The following IQGAP1 variants were observed in gnomAD, a reference collection of about 807,000 sequenced individuals.
IQGAP1 encodes the protein IQ motif containing GTPase activating protein 1, also known as ras GTPase-activating-like protein IQGAP1.
A neutral mutation model predicts 215.6 loss-of-function variants in IQGAP1; 66 were observed. That is an observed-to-expected ratio of 0.31 (90% confidence interval 0.25 to 0.38). IQGAP1 has a LOEUF of 0.38. Ranked by LOEUF, IQGAP1 falls within the 10% of genes least tolerant of loss-of-function variation. IQGAP1 has a pLI of 1.00. For synonymous variants in IQGAP1, 772 were observed against 728.7 expected (o/e 1.06, Z -0.96); for missense variants, 1,712 against 1,997.1 (o/e 0.86, Z 2.72).
chr15:90,422,675 T>A (rs1211494206), intron 2 of IQGAP1, among the ~76,000 whole-genome samples: 2 of 128,702 alleles, frequency 1.6e-5, no homozygotes, highest in African/African-American at 3.2e-5. Flanking sequence ...TATATATATA[T>A]ATATAATTTT....
rs1353154752 is a variant in IQGAP1, at chr15:90,452,772, C to T, written c.1163-3C>T. The T allele has an allele frequency of 1.2e-6, 2 of 1,613,064 alleles. No individual in the cohort carries two copies. Among genetic ancestry groups the T allele is most frequent in the African/African-American group, 2.7e-5 (2 of 74,904 alleles). On this transcript the variant is annotated splice_polypyrimidine_tract_variant and splice_region_variant and intron_variant, in intron 11 of 37. Transcript: ENST00000268182. The stretch of plus-strand genomic sequence containing the variant: ...GCGTTTCTGACTCCTGTTTTTTACA[C>T]AGGATTGGCAGCAGTAGCACTGATT...
intron 4 of IQGAP1, among the ~76,000 whole-genome samples, chr15:90,433,387 G>A (rs979180748): frequency 2.6e-5 from 4 of 152,080 alleles, no homozygotes; most frequent in Admixed American, 6.6e-5. Context: ...GATTTAAACT[G>A]GACTAGAACT....
intron 31 of IQGAP1, 161 bp downstream of exon 31, chr15:90,486,293 CA>C (rs1433963260): frequency 3.7e-6 from 2 of 545,926 alleles, no homozygotes; most frequent in Admixed American, 6.4e-5. Flanking sequence ...AAAACAACAA[CA>C]ACAACAAAAG....
Position 90,474,097 on chromosome 15 carries a change from C to A in IQGAP1, c.2539C>A (p.Arg847=). ...CATTATCAAAATCCAGGCTTTTATTCGGGCAAACAAAGCTCGGGATGACTA... is the reference window on the plus strand; with the variant it reads ...CATTATCAAAATCCAGGCTTTTATTAGGGCAAACAAAGCTCGGGATGACTA... ...NDIIKIQAFI[R]ANKARDDYKT... The change falls in exon 22 of 38, where the codon CGG becomes AGG. Residue 847 remains arginine, a synonymous_variant. Transcript: ENST00000268182. 6.2e-7 allele frequency: 1 copy of A among 1,613,138 alleles called. No homozygotes were observed. Among genetic ancestry groups the A allele is most frequent in the Non-Finnish European group, 8.5e-7 (1 of 1,179,560 alleles).
chr15:90,417,797 C>G (rs1481911021), intron 2 of IQGAP1, among the ~76,000 whole-genome samples: 1 of 152,130 alleles, frequency 6.6e-6, no homozygotes, highest in Non-Finnish European at 1.5e-5. Flanking sequence ...TATAAATTAC[C>G]TTGCTCAGTA....
Position 90,494,776 on chromosome 15 carries a change from A to G in IQGAP1, c.4692A>G (p.Thr1564=). ...KKSKKISLKY[T]AARLHEKGVL... is the part of the protein sequence containing the mutation. ...GCAAAAAGATTTCTCTGAAATATAC[A>G]GCAGCAAGACTACATGAAAAAGGAG... The change falls in exon 36 of 38, where the codon ACA becomes ACG. Residue 1564 remains threonine, a synonymous_variant. Transcript: ENST00000268182. 1 of 1,608,618 alleles carries G rather than the reference A, an allele frequency of 6.2e-7. No homozygotes were observed. The highest frequency in any genetic ancestry group is 1.3e-5 in the African/African-American group (1 of 74,912).
intron 32 of IQGAP1, 81 bp downstream of exon 32, chr15:90,487,170 A>C: frequency 7.5e-7 from 1 of 1,335,396 alleles, no homozygotes; most frequent in Non-Finnish European, 1.1e-6. Flanking sequence ...GCTGGGTCCT[A>C]CCTGAAATGA....
Position 90,406,083 on chromosome 15 carries a change from G to T in IQGAP1, c.155+15210G>T, listed in dbSNP as rs536913928. ...GTTTTTAAAAATGAGGGGTGCAAATGTACTAATTATTAAAAAGGAAAAGAT... is the reference window on the plus strand; with the variant it reads ...GTTTTTAAAAATGAGGGGTGCAAATTTACTAATTATTAAAAAGGAAAAGAT... On this transcript the variant is annotated intron_variant, in intron 2 of 37. Coordinates refer to ENST00000268182, the MANE Select transcript of IQGAP1 (RefSeq NM_003870.4). Among the ~76,000 whole-genome samples the T allele has an allele frequency of 2.6e-4, 39 of 152,268 alleles. No homozygotes were observed. In the South Asian group the frequency reaches 6.4e-3, roughly 25 times the overall value.
At chr15:90,443,587 G>A (rs1316301935) in intron 9 of IQGAP1, 109 bp downstream of exon 9, 9 of 639,384 alleles carry the variant, frequency 1.4e-5, no homozygotes, top group Non-Finnish European at 2.2e-5. Context: ...TTAGACATTC[G>A]TGGATTTGTT....
At chr15:90,443,001 C>G (rs1451706037) in intron 8 of IQGAP1, among the ~76,000 whole-genome samples, 2 of 151,750 alleles carry the variant, frequency 1.3e-5, no homozygotes, top group Non-Finnish European at 2.9e-5. Flanking sequence ...GCTCAGTCAC[C>G]TAGGCTGGAG....
At chr15:90,486,227 T>C in intron 31 of IQGAP1, 95 bp downstream of exon 31, 1 of 717,154 alleles carries the variant, frequency 1.4e-6, no homozygotes, top group Non-Finnish European at 2.4e-6. Context: ...TATACCAAAC[T>C]CTGGATATAC....
Position 90,478,086 on chromosome 15 carries a change from G to A in IQGAP1, c.3329+197G>A, listed in dbSNP as rs28521498. 4.9e-3 allele frequency among the ~76,000 whole-genome samples: 740 copies of A among 152,168 alleles called. 4 individuals carry two copies. Among genetic ancestry groups the A allele is most frequent in the African/African-American group, 0.017 (715 of 41,528 alleles). ...AGCTCACTGCAGCCTCCACCTCCCA[G>A]GTCTAAGCAATTCTCATGCCCCAGC... On this transcript the variant is annotated intron_variant, in intron 26 of 37. Transcript: ENST00000268182.
intron 30 of IQGAP1, 77 bp from the exon 31 acceptor site, chr15:90,485,953 A>ATCAT: frequency 9.2e-7 from 1 of 1,091,524 alleles, no homozygotes; most frequent in Non-Finnish European, 1.4e-6. Flanking sequence ...CTTTGTGCAG[A>ATCAT]TCATTGTTAG....
rs1047554773 is a variant in IQGAP1, at chr15:90,388,350, C to T, written c.9C>T (p.Ala3=). 4 of 1,595,744 alleles carry T rather than the reference C, an allele frequency of 2.5e-6. No homozygotes were observed. Among genetic ancestry groups the T allele is most frequent in the Non-Finnish European group, 3.4e-6 (4 of 1,172,620 alleles). The change falls in exon 1 of 38, where the codon GCC becomes GCT. Residue 3 remains alanine, a synonymous_variant. Transcript: ENST00000268182. The part of the protein sequence containing the change: MS[A]ADEVDGLGVA... ...ACTCGGGCTCGTCCGCCATGTCCGC[C>T]GCAGACGAGGTTGACGGGCTGGGCG...
intron 14 of IQGAP1, among the ~76,000 whole-genome samples, chr15:90,455,656 G>A (rs1168524594): frequency 1.3e-5 from 2 of 152,214 alleles, no homozygotes; most frequent in African/African-American, 4.8e-5. Context: ...GCCTTGCTTC[G>A]CATTAGGGAG....
In IQGAP1 at chr15:90,452,893, T is replaced by C. The variant is rs750486148; in HGVS notation, c.1281T>C (p.Asp427=). 3 of 1,614,104 alleles carry C rather than the reference T, an allele frequency of 1.9e-6. No homozygotes were observed. Among genetic ancestry groups the C allele is most frequent in the East Asian group, 2.2e-5 (1 of 44,890 alleles). Reference sequence around the variant, plus strand: ...CCCAGGTGTATCCATTTGCCGCCGATCTCTATCAGAAGGAGCTGGCTACCC... The same window carrying C: ...CCCAGGTGTATCCATTTGCCGCCGACCTCTATCAGAAGGAGCTGGCTACCC... ...QLPQVYPFAA[D]LYQKELATLQ... Residue 427 remains aspartate, a synonymous_variant, in exon 12 of 38, where the codon GAT becomes GAC. Coordinates refer to ENST00000268182, the MANE Select transcript of IQGAP1 (RefSeq NM_003870.4).
intron 15 of IQGAP1, 152 bp from the exon 16 acceptor site, chr15:90,465,849 C>T: frequency 1.6e-6 from 1 of 634,230 alleles, no homozygotes; most frequent in Non-Finnish European, 2.8e-6. Flanking sequence ...TTTTTTGATG[C>T]CTCCTTCTTC....
In IQGAP1 at chr15:90,446,315, ATATTAT is replaced by A. The variant is rs574671122; in HGVS notation, c.914-2251_914-2246del. ...AATATGTTCTTAAAATGTCCTATTCATATTATTATTATGTAGTCAGAGGAGCAAAAT... is the reference window on the plus strand; with the variant it reads ...AATATGTTCTTAAAATGTCCTATTCATATTATGTAGTCAGAGGAGCAAAAT... On this transcript the variant is annotated intron_variant, in intron 9 of 37. Coordinates refer to ENST00000268182, the MANE Select transcript of IQGAP1 (RefSeq NM_003870.4). 4.6e-5 allele frequency among the ~76,000 whole-genome samples: 7 copies of A among 152,326 alleles called. No individual in the cohort carries two copies. The South Asian group carries it at 6.2e-4, about 14-fold the overall frequency.
rs898271671 is a variant in IQGAP1 at position 90,388,404 on chromosome 15, C to T, written c.55+8C>T. 6.9e-7 allele frequency: 1 copy of T among 1,444,980 alleles called. No individual in the cohort carries two copies. The highest frequency in any genetic ancestry group is 1.2e-5 in the South Asian group (1 of 86,540). The allele number at this position is 1,444,980 out of a possible 1,614,324, so 89.5% of individuals were successfully genotyped here. A position where few individuals can be genotyped will look rare whatever the true frequency, so the allele number is the denominator to read the frequency against. On this transcript the variant is annotated splice_region_variant and intron_variant, in intron 1 of 37. Transcript: ENST00000268182. ...CCCGGCCGCACTATGGCTGTGAGTGCGGGGCTCCGCGGCGCGGGGGCTTCG... is the reference window on the plus strand; with the variant it reads ...CCCGGCCGCACTATGGCTGTGAGTGTGGGGCTCCGCGGCGCGGGGGCTTCG...
Sources: gnomAD v4.1 joint callset for allele counts (sites outside exome capture counted in the v4.1 genomes callset) on GRCh38, gnomAD v4.1.1 for gene constraint, MANE v1.5 for transcripts, NCBI Gene and HGNC (gene_info 2026-07-23, HGNC 2026-07-21) for gene names.